Variants in NME7 observed in about 807,000 individuals in gnomAD.
NME7 encodes the protein NME/NM23 family member 7.
A neutral mutation model predicts 49.1 loss-of-function variants in NME7; 41 were observed. The observed-to-expected ratio is 0.83, with a 90% CI of 0.65 to 1.08. The LOEUF (loss-of-function observed/expected upper bound fraction) is 1.08. Ranked by LOEUF, NME7 falls within the 50% of genes least tolerant of loss-of-function variation. The pLI is 0.00. For synonymous variants in NME7, 139 were observed against 150.6 expected (o/e 0.92, Z 0.56); for missense variants, 423 against 463.4 (o/e 0.91, Z 0.80).
chr1:169,219,952 G>A (rs894460534), intron 10 of NME7, among the ~76,000 whole-genome samples: 1 of 152,134 alleles, frequency 6.6e-6, no homozygotes, highest in Non-Finnish European at 1.5e-5. Context: ...TTGATGGAAG[G>A]AAGGCTAAGG....
chr1:169,364,443 G>T (rs906749832), intron 1 of NME7, among the ~76,000 whole-genome samples: 1 of 151,994 alleles, frequency 6.6e-6, no homozygotes, highest in African/African-American at 2.4e-5. Context: ...ACAAGGTCTC[G>T]CTATGTTGCT....
At chr1:169,304,987 C>A (rs543791118) in intron 4 of NME7, among the ~76,000 whole-genome samples, 1 of 152,016 alleles carries the variant, frequency 6.6e-6, no homozygotes, top group Non-Finnish European at 1.5e-5. Context: ...GCTTTTCAAA[C>A]GCAAAAAACT....
At chr1:169,185,669 A>C (rs1235619374) in intron 10 of NME7, among the ~76,000 whole-genome samples, 2 of 152,184 alleles carry the variant, frequency 1.3e-5, no homozygotes, top group African/African-American at 4.8e-5. Context: ...GTATTTTAGC[A>C]CAGTGATTTA....
chr1:169,140,984 G>A (rs1658578231), intron 11 of NME7, among the ~76,000 whole-genome samples: 1 of 152,058 alleles, frequency 6.6e-6, no homozygotes, highest in African/African-American at 2.4e-5. Flanking sequence ...CCCTAGTATT[G>A]TTTATAAGGA....
intron 10 of NME7, among the ~76,000 whole-genome samples, chr1:169,193,340 C>A (rs909931): frequency 1.3e-5 from 2 of 151,860 alleles, no homozygotes; most frequent in African/African-American, 2.4e-5. Flanking sequence ...TGTTTCACTG[C>A]GATATAAATA....
chr1:169,225,570 A>G (rs1477976850), intron 10 of NME7, among the ~76,000 whole-genome samples: 2 of 152,222 alleles, frequency 1.3e-5, no homozygotes, highest in Non-Finnish European at 2.9e-5. Flanking sequence ...CTTTAAGCAG[A>G]TATTTTAAAT....
At chr1:169,350,726 A>G (rs1653142733) in intron 1 of NME7, among the ~76,000 whole-genome samples, 2 of 152,162 alleles carry the variant, frequency 1.3e-5, no homozygotes, top group South Asian at 4.1e-4. Flanking sequence ...TAGAGAAGTG[A>G]TGTGAGCACT....
chr1:169,280,798 T>G (rs1363148927), intron 7 of NME7, among the ~76,000 whole-genome samples: 4 of 147,926 alleles, frequency 2.7e-5, no homozygotes, highest in African/African-American at 7.4e-5. Context: ...GCCTACATTC[T>G]GTTCCTTTTG....
intron 7 of NME7, among the ~76,000 whole-genome samples, chr1:169,271,303 C>G (rs1649483654): frequency 7.5e-6 from 1 of 133,490 alleles, no homozygotes; most frequent in South Asian, 2.3e-4. Flanking sequence ...TAAATAACTT[C>G]ACTGTTGGCT....
chr1:169,195,279 A>G (rs1343797744), intron 10 of NME7, among the ~76,000 whole-genome samples: 1 of 152,190 alleles, frequency 6.6e-6, no homozygotes, highest in African/African-American at 2.4e-5. Flanking sequence ...AGGCACAATC[A>G]TAGCTCACTG....
Position 169,260,627 on chromosome 1 carries a change from G to C in NME7, c.755-22940C>G, listed in dbSNP as rs1337491812. On this transcript the variant is annotated intron_variant, in intron 7 of 11. Coordinates refer to ENST00000367811, the MANE Select transcript of NME7 (RefSeq NM_013330.5). ...AAGCAGAACCACAGCATGGTAGGAG[G>C]AAACTCTTGTCTTCCTTTTGTCATT... Among the ~76,000 whole-genome samples the C allele has an allele frequency of 2.3e-5, 3 of 132,138 alleles. 1 individual carries two copies. Among genetic ancestry groups the C allele is most frequent in the Non-Finnish European group, 5.3e-5 (3 of 56,372 alleles). 86.7% of individuals were successfully genotyped at this position (132,138 alleles called of 152,430 possible). A position where few individuals can be genotyped will look rare whatever the true frequency, so the allele number is the denominator to read the frequency against.
intron 7 of NME7, among the ~76,000 whole-genome samples, chr1:169,252,398 T>C (rs894877429): frequency 2.0e-5 from 3 of 152,142 alleles, no homozygotes; most frequent in African/African-American, 4.8e-5. Context: ...ACCCACTTTT[T>C]GATGGGGTTG....
chr1:169,339,436 G>A (rs569141206), intron 1 of NME7, among the ~76,000 whole-genome samples: 1 of 152,198 alleles, frequency 6.6e-6, no homozygotes, highest in African/African-American at 2.4e-5. Flanking sequence ...TAATTATAAT[G>A]GCATGAAAAT....
chr1:169,343,328 G>C (rs1571406445), intron 1 of NME7, among the ~76,000 whole-genome samples: 1 of 151,926 alleles, frequency 6.6e-6, no homozygotes, highest in Non-Finnish European at 1.5e-5. Flanking sequence ...TCTACATGTA[G>C]ATATATAATT....
chr1:169,333,241 G>C (rs1033805873), intron 1 of NME7, among the ~76,000 whole-genome samples: 27 of 151,968 alleles, frequency 1.8e-4, no homozygotes, highest in African/African-American at 6.5e-4. Context: ...CTTATCTGTG[G>C]GTTCTAAAAA....
At chr1:169,347,607 G>A (rs1013889580) in intron 1 of NME7, among the ~76,000 whole-genome samples, 1 of 152,098 alleles carries the variant, frequency 6.6e-6, no homozygotes, top group African/African-American at 2.4e-5. Context: ...TCTCTCCTGT[G>A]CTCCCTCCTC....
At chr1:169,194,767 AAG>A (rs1660327076) in intron 10 of NME7, among the ~76,000 whole-genome samples, 1 of 152,332 alleles carries the variant, frequency 6.6e-6, no homozygotes, top group Non-Finnish European at 1.5e-5. Flanking sequence ...GAAGCAGGCA[AAG>A]TCAAAACTAA....
chr1:169,352,434 A>G (rs1256634347), intron 1 of NME7, among the ~76,000 whole-genome samples: 3 of 152,156 alleles, frequency 2.0e-5, no homozygotes, highest in African/African-American at 4.8e-5. Context: ...ATACTTCAAC[A>G]TAATAAAAGC....
At chr1:169,307,321 A>G (rs1291937016) in intron 4 of NME7, among the ~76,000 whole-genome samples, 1 of 152,238 alleles carries the variant, frequency 6.6e-6, no homozygotes, top group East Asian at 1.9e-4. Flanking sequence ...TTTGTTCACA[A>G]TGAAACTTGA....
Sources: allele counts gnomAD v4.1 joint callset (sites outside exome capture counted in the v4.1 genomes callset), GRCh38; gene constraint gnomAD v4.1.1; transcripts MANE v1.5; gene names NCBI Gene and HGNC (gene_info 2026-07-23, HGNC 2026-07-21).